BCAR3: variants seen among roughly 807,000 people sequenced by gnomAD.
The protein encoded by BCAR3 is BCAR3 adaptor protein, NSP family member.
In BCAR3, 37 loss-of-function variants were observed where a neutral mutation model predicts 80.1. That is an observed-to-expected ratio of 0.46 (90% CI 0.36 to 0.61). The LOEUF (loss-of-function observed/expected upper bound fraction) is 0.61. Among genes scored for constraint, BCAR3 ranks in the 20% least tolerant of loss-of-function variants. The pLI is 0.00. For missense variants in BCAR3, 978 were observed against 1,068.2 expected (o/e 0.92, Z 1.18); for synonymous variants, 389 against 418.9 (o/e 0.93, Z 0.87).
intron 2 of BCAR3, among the ~76,000 whole-genome samples, chr1:93,808,344 A>G (rs1653723965): frequency 6.6e-6 from 1 of 152,218 alleles, no homozygotes; most frequent in African/African-American, 2.4e-5. Context: ...AAAAAACCAC[A>G]GATTCTATTT....
At chr1:93,645,100 C>T (rs1050601945) in intron 2 of BCAR3, among the ~76,000 whole-genome samples, 4 of 152,120 alleles carry the variant, frequency 2.6e-5, no homozygotes, top group African/African-American at 9.7e-5. Context: ...CCAAAAAGCG[C>T]CCATGGGTGA....
intron 3 of BCAR3, among the ~76,000 whole-genome samples, chr1:93,611,583 C>T (rs980793509): frequency 6.6e-6 from 1 of 152,208 alleles, no homozygotes; most frequent in African/African-American, 2.4e-5. Context: ...TTGGCCCCAA[C>T]TCTATGAGGG....
chr1:93,752,446 C>T (rs532516357), intron 2 of BCAR3, among the ~76,000 whole-genome samples: 1 of 152,346 alleles, frequency 6.6e-6, no homozygotes, highest in East Asian at 1.9e-4. Context: ...CCCCCACCCA[C>T]GGCTGCAGAC....
rs143629903 is a variant in BCAR3 at position 93,823,337 on chromosome 1, T to C, written c.-63+22230A>G. Among the ~76,000 whole-genome samples the C allele has an allele frequency of 1.1e-3, 142 of 133,330 alleles. 18 individuals are homozygous for C. The highest frequency in any genetic ancestry group is 3.2e-3 in the African/African-American group (129 of 39,708). 87.5% of individuals were successfully genotyped at this position (133,330 alleles called of 152,430 possible). A position where few individuals can be genotyped will look rare whatever the true frequency, so the allele number is the denominator to read the frequency against. On this transcript the variant is annotated intron_variant, in intron 2 of 13. Coordinates refer to the BCAR3 transcript ENST00000370244. ...TAAACCATTAAAGCAGGAAGTCCCA[T>C]GGTGACATTAGCATGTTATAAAATT...
At chr1:93,640,347 G>A (rs1407223962) in intron 3 of BCAR3, among the ~76,000 whole-genome samples, 1 of 151,876 alleles carries the variant, frequency 6.6e-6, no homozygotes, top group Non-Finnish European at 1.5e-5. Context: ...AGAGGCAAAT[G>A]AAAATACATA....
At chr1:93,729,275 T>C (rs1571079026) in intron 2 of BCAR3, among the ~76,000 whole-genome samples, 1 of 152,176 alleles carries the variant, frequency 6.6e-6, no homozygotes, top group East Asian at 1.9e-4. Context: ...TTGCCTCCCT[T>C]AACTGTGCTC....
chr1:93,614,159 T>TCC (rs1675036283), intron 3 of BCAR3: 1 of 1,324,674 alleles, frequency 7.5e-7, no homozygotes, highest in African/African-American at 1.5e-5. Context: ...CAGGCTGGTG[T>TCC]CCAGCCTGCC....
intron 3 of BCAR3, among the ~76,000 whole-genome samples, chr1:93,604,201 A>G (rs184982660): frequency 2.1e-4 from 32 of 152,308 alleles, no homozygotes; most frequent in African/African-American, 7.7e-4. Context: ...TCATTTTCCT[A>G]CTGTATATGA....
At chr1:93,612,627 T>G (rs998583139) in intron 3 of BCAR3, among the ~76,000 whole-genome samples, 3 of 152,258 alleles carry the variant, frequency 2.0e-5, no homozygotes, top group Admixed American at 1.3e-4. Flanking sequence ...ACCATACCCT[T>G]TGGGACCTCC....
intron 2 of BCAR3, among the ~76,000 whole-genome samples, chr1:93,665,228 G>A (rs1647845418): frequency 6.6e-6 from 1 of 152,128 alleles, no homozygotes; most frequent in African/African-American, 2.4e-5. Flanking sequence ...CTTGGGGAAT[G>A]TCCAGGACCG....
intron 2 of BCAR3, among the ~76,000 whole-genome samples, chr1:93,748,699 G>A (rs1203231528): frequency 1.3e-5 from 2 of 152,108 alleles, no homozygotes; most frequent in Non-Finnish European, 2.9e-5. Flanking sequence ...TATTCTTATT[G>A]TCTGCACAAT....
At chr1:93,675,411 T>C (rs1378429579) in intron 1 of BCAR3, among the ~76,000 whole-genome samples, 2 of 152,248 alleles carry the variant, frequency 1.3e-5, no homozygotes, top group Non-Finnish European at 1.5e-5. Flanking sequence ...TCCTCAGTTG[T>C]GCTACACAGG....
chr1:93,802,367 C>T (rs372209303), intron 2 of BCAR3, among the ~76,000 whole-genome samples: 35 of 151,992 alleles, frequency 2.3e-4, no homozygotes, highest in African/African-American at 7.0e-4. Flanking sequence ...GCCTTTGACA[C>T]CCATTCCCTT....
intron 2 of BCAR3, among the ~76,000 whole-genome samples, chr1:93,797,720 T>C (rs1172572360): frequency 1.3e-5 from 2 of 152,144 alleles, no homozygotes; most frequent in South Asian, 2.1e-4. Context: ...ACAATAAAAA[T>C]ATTGGAAAAT....
intron 2 of BCAR3, among the ~76,000 whole-genome samples, chr1:93,842,588 T>C (rs1254633470): frequency 1.3e-5 from 2 of 152,206 alleles, no homozygotes; most frequent in Non-Finnish European, 2.9e-5. Context: ...TAGGATGCAG[T>C]AGTCTCCCTG....
At chr1:93,840,246 C>A (rs1237693778) in intron 2 of BCAR3, among the ~76,000 whole-genome samples, 1 of 152,088 alleles carries the variant, frequency 6.6e-6, no homozygotes, top group Non-Finnish European at 1.5e-5. Flanking sequence ...CTGCTGTAGT[C>A]CAGGGTATAT....
At chr1:93,789,054 G>T (rs1653047425) in intron 2 of BCAR3, among the ~76,000 whole-genome samples, 1 of 151,964 alleles carries the variant, frequency 6.6e-6, no homozygotes, top group African/African-American at 2.4e-5. Flanking sequence ...AGAGTGGAGT[G>T]GTGCGATCCT....
chr1:93,768,894 C>A (rs1042509813), intron 2 of BCAR3, among the ~76,000 whole-genome samples: 1 of 152,174 alleles, frequency 6.6e-6, no homozygotes, highest in African/African-American at 2.4e-5. Context: ...GTAGGTCACC[C>A]GAGGGGACTG....
At chr1:93,589,469 C>T in intron 4 of BCAR3, 50 bp from the exon 5 acceptor site, 1 of 1,484,220 alleles carries the variant, frequency 6.7e-7, no homozygotes, top group Non-Finnish European at 9.1e-7. Context: ...ATTCACATTC[C>T]TTCTAAAAGC....
Sources: gnomAD v4.1 joint callset for allele counts (sites outside exome capture counted in the v4.1 genomes callset) on GRCh38, gnomAD v4.1.1 for gene constraint, MANE v1.5 for transcripts, NCBI Gene and HGNC (gene_info 2026-07-23, HGNC 2026-07-21) for gene names.